The following SLCO3A1 variants were observed in gnomAD, a reference collection of about 807,000 sequenced individuals.
The protein encoded by SLCO3A1 is PGE1 transporter.
SLCO3A1 carries 27 observed loss-of-function variants against 63.1 expected under a neutral mutation model. The observed-to-expected ratio is 0.43, with a 90% CI of 0.32 to 0.59. The LOEUF (loss-of-function observed/expected upper bound fraction) is 0.59, where lower values mean the gene tolerates loss of function less well. Among genes scored for constraint, SLCO3A1 ranks in the 20% least tolerant of loss-of-function variants. The pLI, the probability that SLCO3A1 is intolerant of heterozygous loss-of-function variation, is 0.09. For synonymous variants in SLCO3A1, 473 were observed against 409.9 expected, an observed-to-expected ratio of 1.15 and a Z score of -1.86; for missense variants, 773 against 945.8, an observed-to-expected ratio of 0.82 and a Z score of 2.40.
At chr15:92,072,071 C>T (rs2047221947) in intron 2 of SLCO3A1, among the ~76,000 whole-genome samples, 1 of 152,204 alleles carries the variant, frequency 6.6e-6, no homozygotes, top group African/African-American at 2.4e-5. Context: ...TGTGCGTTTT[C>T]CCTCCTGGAT....
intron 1 of SLCO3A1, among the ~76,000 whole-genome samples, chr15:91,901,484 C>T (rs1256044989): frequency 1.3e-5 from 2 of 152,084 alleles, no homozygotes; most frequent in Non-Finnish European, 2.9e-5. Flanking sequence ...TATATGGTAT[C>T]GTTTCCTTTC....
At chr15:92,072,450 G>A (rs2047228074) in intron 2 of SLCO3A1, among the ~76,000 whole-genome samples, 1 of 152,176 alleles carries the variant, frequency 6.6e-6, no homozygotes, top group Admixed American at 6.5e-5. Context: ...ACCAGGGGTA[G>A]TGGTTTTCAA....
At chr15:92,099,563 GGTTA>G (rs1460609503) in intron 3 of SLCO3A1, among the ~76,000 whole-genome samples, 2 of 152,124 alleles carry the variant, frequency 1.3e-5, no homozygotes, top group African/African-American at 4.8e-5. Context: ...TGGGTTGGTT[GGTTA>G]GTTTTAAACT....
chr15:91,959,190 G>A (rs983625079), intron 2 of SLCO3A1, among the ~76,000 whole-genome samples: 17 of 152,100 alleles, frequency 1.1e-4, no homozygotes, highest in Non-Finnish European at 2.1e-4. Flanking sequence ...AATACCATAC[G>A]TTCTCACTTA....
At position 91,897,468 on chromosome 15, in the gene SLCO3A1, A is replaced by C. The variant is rs1898035574; in HGVS notation, c.181-18525A>C. Among the ~76,000 whole-genome samples, 2 of 152,096 alleles carry C rather than the reference A, an allele frequency of 1.3e-5. No homozygotes were observed. Among genetic ancestry groups the C allele is most frequent in the South Asian group, 4.1e-4 (2 of 4,824 alleles). On this transcript the variant is annotated intron_variant, in intron 1 of 9. Transcript: ENST00000318445. This position sits in a 1 kb window ranked among gnomAD's most constrained non-coding sequence, Gnocchi z 4.7. ...TCTGTCTAAAAACAAACAAACAAACAAACCCCCAAAACTTATAAAGCTGGA... is the reference window on the plus strand; with the variant it reads ...TCTGTCTAAAAACAAACAAACAAACCAACCCCCAAAACTTATAAAGCTGGA...
At chr15:92,037,208 C>G (rs1167303979) in intron 2 of SLCO3A1, among the ~76,000 whole-genome samples, 2 of 152,194 alleles carry the variant, frequency 1.3e-5, no homozygotes, top group South Asian at 2.1e-4. Flanking sequence ...TTTTCACCTA[C>G]ATAGTATTTG....
chr15:92,102,578 C>T (rs966653538), intron 3 of SLCO3A1, among the ~76,000 whole-genome samples: 2 of 69,494 alleles, frequency 2.9e-5, no homozygotes, highest in East Asian at 2.8e-4. Context: ...AGCTGGGATT[C>T]GGCCCCCAAG....
At chr15:92,097,634 G>A (rs549432846) in intron 3 of SLCO3A1, among the ~76,000 whole-genome samples, 211 of 152,280 alleles carry the variant, frequency 1.4e-3, no homozygotes, top group Non-Finnish European at 2.6e-3. Flanking sequence ...CTGATGACAG[G>A]CTTCCCCACC....
intron 3 of SLCO3A1, among the ~76,000 whole-genome samples, chr15:92,097,568 GT>G (rs1382392250): frequency 6.6e-6 from 1 of 152,226 alleles, no homozygotes; most frequent in Non-Finnish European, 1.5e-5. Flanking sequence ...TGGCTACTTG[GT>G]GCCTGCATGG....
chr15:92,106,021 T>G lies in SLCO3A1; in HGVS notation c.1009+1479T>G, dbSNP rs993563606. On this transcript the variant is annotated intron_variant, in intron 4 of 9. Coordinates refer to ENST00000318445, the MANE Select transcript of SLCO3A1 (RefSeq NM_013272.4). ...CTGCGATCATTAACTGCCCCCTGCT[T>G]CTTTTCCACGAATGTAAAACTGTAA... 7.2e-5 allele frequency among the ~76,000 whole-genome samples: 11 copies of G among 152,232 alleles called. No individual in the cohort carries two copies. The South Asian group carries it at 2.1e-3, about 29-fold the overall frequency.
rs1235259411 is a variant in SLCO3A1 at position 91,897,549 on chromosome 15, A to G, written c.181-18444A>G. On this transcript the variant is annotated intron_variant, in intron 1 of 9. Coordinates refer to ENST00000318445, the MANE Select transcript of SLCO3A1 (RefSeq NM_013272.4). The surrounding 1 kb of genome is among the most constrained non-coding windows in gnomAD (Gnocchi z 4.7). The stretch of plus-strand genomic sequence containing the variant: ...AAATTTCTTTGGATCAAAATAAAAA[A>G]CTCAACAGGCTTCTTCTGATTTCTG... 6.6e-6 allele frequency among the ~76,000 whole-genome samples: 1 copy of G among 152,008 alleles called. No homozygotes were observed. The highest frequency in any genetic ancestry group is 6.6e-5 in the Admixed American group (1 of 15,258).
chr15:92,148,228 A>C (rs1258423597), intron 8 of SLCO3A1, among the ~76,000 whole-genome samples: 2 of 152,214 alleles, frequency 1.3e-5, no homozygotes, highest in African/African-American at 4.8e-5. Context: ...GAGAAAAGAC[A>C]GACTTGCCTA....
At chr15:92,003,606 C>T (rs1246953975) in intron 2 of SLCO3A1, among the ~76,000 whole-genome samples, 1 of 152,210 alleles carries the variant, frequency 6.6e-6, no homozygotes. Context: ...AAATCCCAGA[C>T]TTCATGGGAA....
At chr15:92,054,530 G>GT (rs2046999177) in intron 2 of SLCO3A1, among the ~76,000 whole-genome samples, 3 of 152,078 alleles carry the variant, frequency 2.0e-5, no homozygotes, top group African/African-American at 4.8e-5. Flanking sequence ...TGCCATGGTG[G>GT]TTTGCTGCAC....
intron 4 of SLCO3A1, among the ~76,000 whole-genome samples, chr15:92,106,753 G>A (rs2529937): frequency 6.3e-4 from 96 of 152,278 alleles, no homozygotes; most frequent in Non-Finnish European, 1.1e-3. Flanking sequence ...TTTGAGAACC[G>A]CAATAACAAG....
chr15:91,889,361 A>G (rs28529561), intron 1 of SLCO3A1, among the ~76,000 whole-genome samples: 1 of 152,082 alleles, frequency 6.6e-6, no homozygotes, highest in Admixed American at 6.6e-5. Flanking sequence ...TAGCCCTTCA[A>G]TTTCCCTGGG....
At chr15:92,121,120 G>T (rs555396206) in intron 5 of SLCO3A1, among the ~76,000 whole-genome samples, 79 of 152,292 alleles carry the variant, frequency 5.2e-4, no homozygotes, top group African/African-American at 1.8e-3. Flanking sequence ...TGGCTTTACA[G>T]TTCTTTAAAT....
Position 91,875,772 on chromosome 15 carries a change from C to T in SLCO3A1, c.180+21684C>T, listed in dbSNP as rs1356469864. On this transcript the variant is annotated intron_variant, in intron 1 of 9. Transcript: ENST00000318445. This position sits in a 1 kb window ranked among gnomAD's most constrained non-coding sequence, Gnocchi z 4.5. Reference sequence around the variant, plus strand: ...AGAGCAGGGGTTGGCAAACTATAGCCCATGGGCCAAACCTGGCCTGCTCTC... The same window carrying T: ...AGAGCAGGGGTTGGCAAACTATAGCTCATGGGCCAAACCTGGCCTGCTCTC... 6.6e-6 allele frequency among the ~76,000 whole-genome samples: 1 copy of T among 152,172 alleles called. No individual in the cohort carries two copies. Among genetic ancestry groups the T allele is most frequent in the African/African-American group, 2.4e-5 (1 of 41,434 alleles).
At chr15:92,146,686 C>T (rs1464351937) in intron 7 of SLCO3A1, among the ~76,000 whole-genome samples, 1 of 152,186 alleles carries the variant, frequency 6.6e-6, no homozygotes, top group Non-Finnish European at 1.5e-5. Flanking sequence ...GCAATTTCCT[C>T]TCTAATTGTA....
Sources: gnomAD v4.1 joint callset for allele counts (sites outside exome capture counted in the v4.1 genomes callset) on GRCh38, gnomAD v4.1.1 for gene constraint, Gnocchi (gnomAD v3.1) non-coding constraint, MANE v1.5 for transcripts, NCBI Gene and HGNC (gene_info 2026-07-23, HGNC 2026-07-21) for gene names.